MXRA7: variants seen among roughly 807,000 people sequenced by gnomAD.
MXRA7 encodes the protein matrix-remodeling-associated protein 7.
MXRA7 carries 18 observed loss-of-function variants against 17.4 expected under a neutral mutation model. That is an observed-to-expected ratio of 1.03 (90% CI 0.71 to 1.53). MXRA7 has a LOEUF of 1.53. Among genes scored for constraint, MXRA7 ranks in the 40% most tolerant of loss-of-function variants. The pLI is 0.00. For missense variants in MXRA7, 141 were observed against 209.3 expected (o/e 0.67, Z 2.01); for synonymous variants, 70 against 101.7 (o/e 0.69, Z 1.87).
intron 1 of MXRA7, among the ~76,000 whole-genome samples, chr17:76,703,932 T>G (rs1388621226): frequency 6.6e-6 from 1 of 151,178 alleles, no homozygotes; most frequent in Non-Finnish European, 1.5e-5. Flanking sequence ...TGTAACCCTG[T>G]GTCCAGAAAA....
intron 1 of MXRA7, among the ~76,000 whole-genome samples, chr17:76,708,225 G>T (rs1371232307): frequency 6.6e-6 from 1 of 152,238 alleles, no homozygotes; most frequent in African/African-American, 2.4e-5. Flanking sequence ...GTAGTCAGAG[G>T]CAGCAGCTGC....
At chr17:76,709,254 C>T (rs1426209556) in intron 1 of MXRA7, among the ~76,000 whole-genome samples, 2 of 152,152 alleles carry the variant, frequency 1.3e-5, no homozygotes, top group East Asian at 3.9e-4. Context: ...CCTGCTCCCG[C>T]GAGACCTCGA....
chr17:76,684,884 G>C (rs1225675936), intron 3 of MXRA7, among the ~76,000 whole-genome samples, 188 bp downstream of exon 3: 1 of 152,124 alleles, frequency 6.6e-6, no homozygotes, highest in Non-Finnish European at 1.5e-5. Flanking sequence ...AGGGGTGTGC[G>C]AGCCTGGCTG....
Position 76,710,901 on chromosome 17 carries a change from T to G in MXRA7, c.46A>C (p.Thr16Pro). The G allele has an allele frequency of 1.0e-6, 1 of 999,804 alleles. No individual in the cohort carries two copies. Among genetic ancestry groups the G allele is most frequent in the Non-Finnish European group, 1.2e-6 (1 of 842,222 alleles). The allele number at this position is 999,804 out of a possible 1,614,324, so 61.9% of individuals were successfully genotyped here. ...ELLAALPALATALALLLAWLL... is the reference protein window; with the variant it reads ...ELLAALPALAPALALLLAWLL... Reference sequence around the variant, plus strand: ...CAGGCGAGCAGAAGGGCCAGCGCGGTGGCCAGCGCAGGCAGCGCGGCCAGT... The same window carrying G: ...CAGGCGAGCAGAAGGGCCAGCGCGGGGGCCAGCGCAGGCAGCGCGGCCAGT... The change falls in exon 1 of 4, where the codon ACC becomes CCC. Residue 16 changes from threonine to proline, a missense_variant. Thr to Pro is a conservative substitution (Grantham distance 38). Around this residue, in one of 3 missense-constraint regions of MXRA7, gnomAD observed 72 missense variants for 111.9 expected, o/e 0.64. Coordinates refer to ENST00000449428, the MANE Select transcript of MXRA7 (RefSeq NM_198530.4).
At chr17:76,707,593 C>T (rs1029261673) in intron 1 of MXRA7, among the ~76,000 whole-genome samples, 12 of 152,124 alleles carry the variant, frequency 7.9e-5, no homozygotes, top group South Asian at 2.1e-4. Context: ...TGTGAGCCAT[C>T]GCGCCCGGGC....
At chr17:76,677,834 AGAAAAT>A, downstream of MXRA7, 1 of 642,432 alleles carries the variant, frequency 1.6e-6, no homozygotes. Context: ...CAGAACAAGA[AGAAAAT>A]GAAAATAAAA....
intron 1 of MXRA7, among the ~76,000 whole-genome samples, chr17:76,698,495 A>T (rs1171409782): frequency 1.3e-5 from 2 of 152,060 alleles, no homozygotes; most frequent in African/African-American, 2.4e-5. Context: ...TCCCCCTCCA[A>T]ACTACAGCTC....
chr17:76,683,459 G>A (rs2143585948), intron 3 of MXRA7, among the ~76,000 whole-genome samples: 1 of 152,342 alleles, frequency 6.6e-6, no homozygotes, highest in South Asian at 2.1e-4. Context: ...TATCTGCTGT[G>A]CACTGTGCAG....
chr17:76,690,426 G>C (rs2076468239), intron 1 of MXRA7, among the ~76,000 whole-genome samples: 1 of 151,838 alleles, frequency 6.6e-6, no homozygotes, highest in Non-Finnish European at 1.5e-5. Context: ...AAAAAAGTAA[G>C]AGGCCAGGTG....
At chr17:76,679,121 T>C (rs12942098), downstream of MXRA7, among the ~76,000 whole-genome samples, 150,790 of 152,094 alleles carry the variant, frequency 0.99, 74,759 homozygotes, top group Middle Eastern at 1. Flanking sequence ...ATAGTCAGAC[T>C]CTGTCTCTAT....
chr17:76,709,101 A>G (rs28572313), intron 1 of MXRA7, among the ~76,000 whole-genome samples: 19,190 of 152,112 alleles, frequency 0.13, 1,611 homozygotes, highest in African/African-American at 0.23. Context: ...GCTGTGCCCC[A>G]CAGGATTGAG....
chr17:76,687,999 T>TGCCACCCCCACCCCCC, intron 2 of MXRA7, 114 bp downstream of exon 2: 1 of 801,730 alleles, frequency 1.2e-6, no homozygotes, highest in Non-Finnish European at 2.0e-6. Flanking sequence ...CAGGCCACTG[T>TGCCACCCCCACCCCCC]CCCACCCCAT....
chr17:76,697,487 A>T (rs2076544044), intron 1 of MXRA7, among the ~76,000 whole-genome samples: 1 of 152,280 alleles, frequency 6.6e-6, no homozygotes, highest in African/African-American at 2.4e-5. Flanking sequence ...CAGTGAATTG[A>T]GACAGGCAGC....
chr17:76,679,616 C>T lies in MXRA7; in HGVS notation c.*1251G>A. On this transcript the variant is annotated 3_prime_UTR_variant, in exon 4 of 4. Coordinates refer to ENST00000449428, the MANE Select transcript of MXRA7 (RefSeq NM_198530.4). ...TATTGGACTGAACAAAGGCTGAATA[C>T]AGAGATCCAAGCCATGAGGAGTACA... 1.0e-6 allele frequency: 1 copy of T among 974,450 alleles called. No homozygotes were observed. The highest frequency in any genetic ancestry group is 4.8e-5 in the South Asian group (1 of 21,004). The allele number at this position is 974,450 out of a possible 1,614,324, so 60.4% of individuals were successfully genotyped here.
chr17:76,685,505 G>C (rs1222576467), intron 2 of MXRA7, among the ~76,000 whole-genome samples: 2 of 152,238 alleles, frequency 1.3e-5, no homozygotes, highest in African/African-American at 4.8e-5. Context: ...GGCAAGCAGA[G>C]CACAGCTCAT....
chr17:76,691,596 C>T (rs1239193450), intron 1 of MXRA7, among the ~76,000 whole-genome samples: 4 of 151,956 alleles, frequency 2.6e-5, no homozygotes, highest in Non-Finnish European at 5.9e-5. Context: ...CAGAGTTGAA[C>T]GGGAGGACAC....
intron 1 of MXRA7, among the ~76,000 whole-genome samples, chr17:76,705,384 T>C (rs886968575): frequency 7.9e-5 from 12 of 152,256 alleles, no homozygotes; most frequent in African/African-American, 2.7e-4. Flanking sequence ...GTTATAGTTA[T>C]TGTGAATACA....
intron 1 of MXRA7, among the ~76,000 whole-genome samples, chr17:76,694,190 G>C (rs577488346): frequency 6.6e-6 from 1 of 152,292 alleles, no homozygotes; most frequent in African/African-American, 2.4e-5. Flanking sequence ...CCCGGGTGGA[G>C]AGACTCGTTG....
intron 1 of MXRA7, among the ~76,000 whole-genome samples, chr17:76,694,633 GT>G (rs948502566): frequency 1.4e-4 from 21 of 152,190 alleles, no homozygotes; most frequent in African/African-American, 5.1e-4. Flanking sequence ...CACCCAGGCT[GT>G]TGGTAGAGTG....
Sources: gnomAD v4.1 joint callset for allele counts (sites outside exome capture counted in the v4.1 genomes callset) on GRCh38, gnomAD v4.1.1 for gene constraint, gnomAD v4.1.1 regional missense constraint, MANE v1.5 for transcripts, NCBI Gene and HGNC (gene_info 2026-07-23, HGNC 2026-07-21) for gene names.